Variants in RBFOX1 observed in about 807,000 individuals in gnomAD.
RBFOX1 encodes RNA binding fox-1 homolog 1.
In RBFOX1, 8 loss-of-function variants were observed where a neutral mutation model predicts 57.7. The ratio of observed to expected loss-of-function variants is 0.14; its 90% CI spans 0.08 to 0.25. RBFOX1 has a LOEUF of 0.25. Among genes scored for constraint, RBFOX1 ranks in the 10% least tolerant of loss-of-function variants. The probability of loss-of-function intolerance (pLI) is 1.00; values close to 1 mark genes in which losing one functional copy is unlikely to be tolerated. For synonymous variants in RBFOX1, 326 were observed against 222.4 expected (o/e 1.47, Z -4.15); for missense variants, 611 against 548.5 (o/e 1.11, Z -1.14).
At chr16:7,300,137 C>T (rs757660444) in intron 4 of RBFOX1, among the ~76,000 whole-genome samples, 1 of 152,138 alleles carries the variant, frequency 6.6e-6, no homozygotes. Context: ...CTTGATCTTG[C>T]CTGCTATGCT....
At chr16:7,573,634 G>C (rs3826217) in intron 5 of RBFOX1, among the ~76,000 whole-genome samples, 23,678 of 151,954 alleles carry the variant, frequency 0.16, 2,262 homozygotes, top group African/African-American at 0.27. Flanking sequence ...AGGAGTTTGA[G>C]GCCAGCCTGG....
At chr16:7,639,832 C>T (rs752100865) in intron 11 of RBFOX1, among the ~76,000 whole-genome samples, 30 of 152,112 alleles carry the variant, frequency 2.0e-4, no homozygotes, top group Non-Finnish European at 4.3e-4. Context: ...TTTTCAGACA[C>T]CTACTAGGTG....
At chr16:6,797,442 C>T (rs1412302144) in intron 3 of RBFOX1, among the ~76,000 whole-genome samples, 1 of 152,098 alleles carries the variant, frequency 6.6e-6, no homozygotes, top group South Asian at 2.1e-4. Context: ...TGCGCAATAA[C>T]ATGAAGATAA....
At chr16:5,252,137 C>A (rs962031676) in intron 1 of RBFOX1, among the ~76,000 whole-genome samples, 1 of 152,176 alleles carries the variant, frequency 6.6e-6, no homozygotes, top group African/African-American at 2.4e-5. Flanking sequence ...TGAGCCCAGA[C>A]AGAGGACAGG....
chr16:6,804,694 C>G (rs193177838), intron 3 of RBFOX1, among the ~76,000 whole-genome samples: 21 of 152,264 alleles, frequency 1.4e-4, no homozygotes, highest in African/African-American at 4.6e-4. Flanking sequence ...AGAGTGCTGA[C>G]CTCACACATG....
At chr16:6,370,334 G>A (rs755221328) in intron 2 of RBFOX1, among the ~76,000 whole-genome samples, 115 of 127,020 alleles carry the variant, frequency 9.1e-4, no homozygotes, top group Non-Finnish European at 1.5e-3. Context: ...CTCTAGCCTG[G>A]GCGACAGATA....
intron 4 of RBFOX1, among the ~76,000 whole-genome samples, chr16:7,400,019 G>T (rs941768430): frequency 2.6e-5 from 4 of 152,120 alleles, no homozygotes; most frequent in Non-Finnish European, 5.9e-5. Flanking sequence ...ATTATATGAG[G>T]TAGGGATTAT....
chr16:6,515,463 A>G (rs1038142418), intron 2 of RBFOX1, among the ~76,000 whole-genome samples: 1 of 152,346 alleles, frequency 6.6e-6, no homozygotes, highest in Non-Finnish European at 1.5e-5. Context: ...AATCTAAGAC[A>G]TAACTAATAT....
intron 1 of RBFOX1, among the ~76,000 whole-genome samples, chr16:5,267,676 A>G (rs541814179): frequency 6.6e-6 from 1 of 152,332 alleles, no homozygotes; most frequent in African/African-American, 2.4e-5. Flanking sequence ...GGAAATATGC[A>G]CAATTTCTGG....
At chr16:7,422,525 G>A (rs775486981) in intron 4 of RBFOX1, among the ~76,000 whole-genome samples, 2 of 152,176 alleles carry the variant, frequency 1.3e-5, no homozygotes, top group Non-Finnish European at 2.9e-5. Context: ...CCGTGACCCC[G>A]TCACTGGGGG....
intron 1 of RBFOX1, among the ~76,000 whole-genome samples, chr16:6,225,283 G>T (rs1458196447): frequency 1.3e-5 from 2 of 152,064 alleles, no homozygotes; most frequent in East Asian, 3.9e-4. Context: ...GGTATCAAAA[G>T]CTGCAGGGTT....
intron 4 of RBFOX1, among the ~76,000 whole-genome samples, chr16:5,941,001 G>C (rs1323752981): frequency 6.6e-6 from 1 of 152,204 alleles, no homozygotes; most frequent in Non-Finnish European, 1.5e-5. Context: ...CTTTACAGTA[G>C]AAGGAATAAC....
At chr16:7,153,293 C>T (rs1470614877) in intron 4 of RBFOX1, among the ~76,000 whole-genome samples, 1 of 152,046 alleles carries the variant, frequency 6.6e-6, no homozygotes, top group Non-Finnish European at 1.5e-5. Flanking sequence ...TGAACTTTTT[C>T]ATGTTTATTG....
intron 4 of RBFOX1, among the ~76,000 whole-genome samples, chr16:5,987,030 C>A (rs1167182259): frequency 6.6e-6 from 1 of 152,178 alleles, no homozygotes. Flanking sequence ...TCCTCACCAG[C>A]TTTTGGGATT....
chr16:6,772,157 C>T (rs577794285), intron 3 of RBFOX1, among the ~76,000 whole-genome samples: 155 of 152,046 alleles, frequency 1.0e-3, no homozygotes, highest in Middle Eastern at 3.4e-3. Flanking sequence ...TTGGTGGTTC[C>T]GGTGTGGGCA....
At chr16:7,312,563 G>C (rs1277970250) in intron 4 of RBFOX1, among the ~76,000 whole-genome samples, 1 of 152,144 alleles carries the variant, frequency 6.6e-6, no homozygotes, top group Non-Finnish European at 1.5e-5. Flanking sequence ...GGGTCTTCTT[G>C]GTTCCACTAC....
chr16:5,593,840 T>C (rs2047092802), intron 2 of RBFOX1, among the ~76,000 whole-genome samples: 1 of 152,202 alleles, frequency 6.6e-6, no homozygotes, highest in African/African-American at 2.4e-5. Context: ...GAATTCTTTC[T>C]TGCGCGAGAT....
intron 2 of RBFOX1, among the ~76,000 whole-genome samples, chr16:6,500,354 A>C (rs188783146): frequency 2.6e-5 from 4 of 152,300 alleles, no homozygotes; most frequent in Admixed American, 2.6e-4. Context: ...GCACGTGTGC[A>C]CATACACACA....
chr16:6,326,295 C>G (rs1043277791), intron 2 of RBFOX1, among the ~76,000 whole-genome samples: 1 of 152,076 alleles, frequency 6.6e-6, no homozygotes, highest in Non-Finnish European at 1.5e-5. Flanking sequence ...TCATAGTAAA[C>G]AAACAGATAT....
Sources: allele counts gnomAD v4.1 joint callset (sites outside exome capture counted in the v4.1 genomes callset), GRCh38; gene constraint gnomAD v4.1.1; transcripts MANE v1.5; gene names NCBI Gene and HGNC (gene_info 2026-07-23, HGNC 2026-07-21).